The following PLCG1 variants were observed in gnomAD, a reference collection of about 807,000 sequenced individuals.
PLCG1 encodes the protein phospholipase C gamma 1.
Under a neutral mutation model 177.8 loss-of-function variants are expected in PLCG1, and 71 were observed. That is an observed-to-expected ratio of 0.40 (90% CI 0.33 to 0.49). The LOEUF (loss-of-function observed/expected upper bound fraction) is 0.49. Among genes scored for constraint, PLCG1 ranks in the 20% least tolerant of loss-of-function variants. The pLI, the probability that PLCG1 is intolerant of heterozygous loss-of-function variation, is 0.72. For missense variants in PLCG1, 1,281 were observed against 1,709.0 expected (o/e 0.75, Z 4.42); for synonymous variants, 658 against 647.9 (o/e 1.02, Z -0.24).
Position 41,172,904 on chromosome 20 carries a change from G to A in PLCG1, c.3279+27G>A, listed in dbSNP as rs1361721471. On this transcript the variant is annotated intron_variant, in intron 27 of 31. Coordinates refer to ENST00000685551, the MANE Select transcript of PLCG1 (RefSeq NM_002660.3). The surrounding 1 kb of genome is among the most constrained non-coding windows in gnomAD (Gnocchi z 7.0). ...TGGGTGCTGCTCATCTGGGCTTCAG[G>A]GTAGGAAAGGGGCTGCTTGCCGTTG... 6.2e-7 allele frequency: 1 copy of A among 1,606,450 alleles called. No individual in the cohort carries two copies. The highest frequency in any genetic ancestry group is 1.7e-5 in the Admixed American group (1 of 59,440).
In PLCG1 at chr20:41,146,325, A is replaced by G. The variant is rs956733466; in HGVS notation, c.217+8467A>G. Among the ~76,000 whole-genome samples the G allele has an allele frequency of 6.6e-6, 1 of 152,250 alleles. No individual in the cohort carries two copies. Among genetic ancestry groups the G allele is most frequent in the Non-Finnish European group, 1.5e-5 (1 of 68,044 alleles). The stretch of plus-strand genomic sequence containing the variant: ...GGGCTGGCAGGAGACAGCTGTGCCT[A>G]AAGTGCTGTAGGCTGGGCCTGAGGG... On this transcript the variant is annotated intron_variant, in intron 1 of 31. Coordinates refer to ENST00000685551, the MANE Select transcript of PLCG1 (RefSeq NM_002660.3). The surrounding 1 kb of genome is among the most constrained non-coding windows in gnomAD (Gnocchi z 6.3).
chr20:41,172,380 G>A lies in PLCG1; in HGVS notation c.2906-41G>A. 2 of 1,594,596 alleles carry A rather than the reference G, an allele frequency of 1.3e-6. No individual in the cohort carries two copies. The highest frequency in any genetic ancestry group is 1.7e-6 in the Non-Finnish European group (2 of 1,162,226). ...TTTAGGTATCCCCCCAACACTTCCT[G>A]GGTGGGCGGGCTCTGTAAGTGTTTT... On this transcript the variant is annotated intron_variant, in intron 25 of 31. Transcript: ENST00000685551. The surrounding 1 kb of genome is among the most constrained non-coding windows in gnomAD (Gnocchi z 7.0).
chr20:41,160,245 AG>A lies in PLCG1; in HGVS notation c.512+94del. 1 of 1,200,828 alleles carries A rather than the reference AG, an allele frequency of 8.3e-7. No individual in the cohort carries two copies. The highest frequency in any genetic ancestry group is 1.2e-6 in the Non-Finnish European group (1 of 812,738). 74.4% of individuals were successfully genotyped at this position (1,200,828 alleles called of 1,614,324 possible). A position where few individuals can be genotyped will look rare whatever the true frequency, so the allele number is the denominator to read the frequency against. On this transcript the variant is annotated intron_variant, in intron 4 of 31. Transcript: ENST00000685551. This position sits in a 1 kb window ranked among gnomAD's most constrained non-coding sequence, Gnocchi z 5.5. ...TCTAAGTAGCTGCCCGGAGAGCCAG[AG>A]GACCCAGGGGACCTTAAGTGGGGCC... is the stretch of plus-strand genomic sequence containing the variant.
rs746450706 is a variant in PLCG1, at chr20:41,163,422, C to T, written c.834C>T (p.Leu278=). 17 of 1,613,204 alleles carry T rather than the reference C, an allele frequency of 1.1e-5. No individual in the cohort carries two copies. The highest frequency in any genetic ancestry group is 1.4e-5 in the Non-Finnish European group (16 of 1,179,648). Residue 278 remains leucine (L), a synonymous_variant, in exon 9 of 32, where the codon CTC becomes CTT. Transcript: ENST00000685551. This position sits in a 1 kb window ranked among gnomAD's most constrained non-coding sequence, Gnocchi z 5.2. ...VDRLQVQEFM[L]SFLRDPLREI... is the part of the protein sequence containing the mutation. ...GCCTCCAGGTGCAGGAGTTCATGCT[C>T]AGCTTCCTCCGAGACCCCTTACGAG...
intron 4 of PLCG1, 119 bp from the exon 5 acceptor site, chr20:41,162,333 A>T (rs1300149327): frequency 7.7e-6 from 5 of 647,590 alleles, no homozygotes; most frequent in Non-Finnish European, 1.4e-5. Flanking sequence ...TCTTGCCCTC[A>T]GGCCTCCAGG....
intron 4 of PLCG1, among the ~76,000 whole-genome samples, chr20:41,161,753 A>G (rs1483656418): frequency 6.6e-6 from 1 of 150,774 alleles, no homozygotes; most frequent in African/African-American, 2.4e-5. Flanking sequence ...CAGGAGAGAA[A>G]GCCCCCCCCT....
In PLCG1 at chr20:41,176,633, T is replaced by G. The variant is rs1486185159; in HGVS notation, c.*2124T>G. 6.6e-6 allele frequency: 1 copy of G among 152,262 alleles called. No individual in the cohort carries two copies. Among genetic ancestry groups the G allele is most frequent in the African/African-American group, 2.4e-5 (1 of 41,470 alleles). The allele number at this position is 152,262 out of a possible 1,614,324, so 9.4% of individuals were successfully genotyped here. A position where few individuals can be genotyped will look rare whatever the true frequency, so the allele number is the denominator to read the frequency against. On this transcript the variant is annotated 3_prime_UTR_variant, in exon 32 of 32. Coordinates refer to ENST00000685551, the MANE Select transcript of PLCG1 (RefSeq NM_002660.3). Reference sequence around the variant, plus strand: ...AGCTCTGCCTTTCTTAAGGCAGCTTTGTAGACCTGAGGCTCACCTCTCTTG... The same window carrying G: ...AGCTCTGCCTTTCTTAAGGCAGCTTGGTAGACCTGAGGCTCACCTCTCTTG...
In PLCG1 at chr20:41,156,364, C is replaced by T. The variant is rs568415188; in HGVS notation, c.218-3242C>T. 1.3e-5 allele frequency among the ~76,000 whole-genome samples: 2 copies of T among 152,284 alleles called. No individual in the cohort carries two copies. Among genetic ancestry groups the T allele is most frequent in the African/African-American group, 4.8e-5 (2 of 41,560 alleles). On this transcript the variant is annotated intron_variant, in intron 1 of 31. Coordinates refer to ENST00000685551, the MANE Select transcript of PLCG1 (RefSeq NM_002660.3). The surrounding 1 kb of genome is among the most constrained non-coding windows in gnomAD (Gnocchi z 5.0). ...ATTCCTGAAGCCTGGGCAGCCATCACCATGGGCCTGGGGACGTGGTGCTGG... is the reference window on the plus strand; with the variant it reads ...ATTCCTGAAGCCTGGGCAGCCATCATCATGGGCCTGGGGACGTGGTGCTGG...
intron 24 of PLCG1, among the ~76,000 whole-genome samples, chr20:41,171,485 G>T (rs1312553360): frequency 1.3e-5 from 2 of 151,400 alleles, no homozygotes; most frequent in African/African-American, 4.9e-5. Flanking sequence ...TACTCGGGAG[G>T]CTGAGGCAGG....
At chr20:41,142,235 T>C (rs1225972754) in intron 1 of PLCG1, among the ~76,000 whole-genome samples, 5 of 152,196 alleles carry the variant, frequency 3.3e-5, no homozygotes, top group African/African-American at 9.6e-5. Context: ...GAGGCACCTG[T>C]CTGTGCCGAG....
chr20:41,162,914 G>C (rs2035559560), intron 6 of PLCG1, 44 bp from the exon 7 acceptor site: 1 of 1,591,174 alleles, frequency 6.3e-7, no homozygotes, highest in Admixed American at 1.7e-5. Context: ...TTTCCCACAT[G>C]GCCTCCCAGG....
In PLCG1 at chr20:41,173,975, C is replaced by T; in HGVS notation, c.3609C>T (p.Ala1203=). The T allele has an allele frequency of 6.2e-7, 1 of 1,614,136 alleles. No homozygotes were observed. The highest frequency in any genetic ancestry group is 8.5e-7 in the Non-Finnish European group (1 of 1,179,978). The change falls in exon 30 of 32, where the codon GCC becomes GCT. Residue 1203 remains alanine, a synonymous_variant. Coordinates refer to ENST00000685551, the MANE Select transcript of PLCG1 (RefSeq NM_002660.3). This position sits in a 1 kb window ranked among gnomAD's most constrained non-coding sequence, Gnocchi z 6.2. ...ACTACAGTGAGGACCTGGAGTTGGC[C>T]TCCCTGCTGATCAAGATTGACATTT... is the stretch of plus-strand genomic sequence containing the variant. The part of the protein sequence containing the change: ...KNNYSEDLEL[A]SLLIKIDIFP...
chr20:41,169,142 G>C lies in PLCG1; in HGVS notation c.2547G>C (p.Met849Ile). ...TCCCATCAAACTACGTGGAAGAGAT[G>C]GTCAACCCCGTGGCCCTGGAGCCGG... ...LWFPSNYVEE[M>I]VNPVALEPER... Residue 849 changes from methionine to isoleucine, a missense_variant, in exon 22 of 32, where the codon ATG becomes ATC. Physicochemically the swap from Met to Ile is conservative, Grantham distance 10. Around this residue, in one of 4 missense-constraint regions of PLCG1, gnomAD observed 723 missense variants for 1,030.0 expected, o/e 0.70. Coordinates refer to ENST00000685551, the MANE Select transcript of PLCG1 (RefSeq NM_002660.3). 6.2e-7 allele frequency: 1 copy of C among 1,613,836 alleles called. No homozygotes were observed. Among genetic ancestry groups the C allele is most frequent in the Non-Finnish European group, 8.5e-7 (1 of 1,179,714 alleles).
rs1347727909 is a variant in PLCG1, at chr20:41,144,564, A to T, written c.217+6706A>T. Among the ~76,000 whole-genome samples, 2 of 152,026 alleles carry T rather than the reference A, an allele frequency of 1.3e-5. No individual in the cohort carries two copies. On this transcript the variant is annotated intron_variant, in intron 1 of 31. Coordinates refer to ENST00000685551, the MANE Select transcript of PLCG1 (RefSeq NM_002660.3). This position sits in a 1 kb window ranked among gnomAD's most constrained non-coding sequence, Gnocchi z 4.1. Reference sequence around the variant, plus strand: ...TGGGGGTGGGACACAGAAGAGCCTCACCCTCTTGACTTTCTGGTTTGTGGT... The same window carrying T: ...TGGGGGTGGGACACAGAAGAGCCTCTCCCTCTTGACTTTCTGGTTTGTGGT...
rs769853598 is a variant in PLCG1 at position 41,173,910 on chromosome 20, TTCC to T, written c.3557-5_3557-3del. On this transcript the variant is annotated splice_polypyrimidine_tract_variant and intron_variant, in intron 29 of 31. Transcript: ENST00000685551. The surrounding 1 kb of genome is among the most constrained non-coding windows in gnomAD (Gnocchi z 6.2). ...CCCTCGTGGGCTGAGGGCCAGGCTT[TTCC>T]TCCTCCTAGGATACAGAGCAGTGCC... is the stretch of plus-strand genomic sequence containing the variant. The T allele has an allele frequency of 7.4e-6, 12 of 1,613,408 alleles. No homozygotes were observed. In the East Asian group the frequency reaches 2.2e-4, roughly 30 times the overall value.
In PLCG1 at chr20:41,177,216, G is replaced by C. The variant is rs2146072876; in HGVS notation, c.*2707G>C. On this transcript the variant is annotated 3_prime_UTR_variant, in exon 32 of 32. Transcript: ENST00000685551. ...TGACAGACCAGGGACAAGTAGACTG[G>C]GTTCAAAGTGACAGACCTTTCACTT... 6.6e-6 allele frequency: 1 copy of C among 152,284 alleles called. No individual in the cohort carries two copies. Among genetic ancestry groups the C allele is most frequent in the African/African-American group, 2.4e-5 (1 of 41,548 alleles). The allele number at this position is 152,284 out of a possible 1,614,324, so 9.4% of individuals were successfully genotyped here. A position where few individuals can be genotyped will look rare whatever the true frequency, so the allele number is the denominator to read the frequency against.
In PLCG1 at chr20:41,163,229, G is replaced by A. The variant is rs180794782; in HGVS notation, c.743G>A (p.Arg248Gln). 5.2e-5 allele frequency: 81 copies of A among 1,548,590 alleles called. 1 individual carries two copies. The highest frequency in any genetic ancestry group is 1.4e-4 in the African/African-American group (10 of 72,658). Residue 248 changes from arginine (R) to glutamine (Q), a missense_variant, in exon 8 of 32, where the codon CGA becomes CAA. Transcript: ENST00000685551. This position sits in a 1 kb window ranked among gnomAD's most constrained non-coding sequence, Gnocchi z 5.2. ...LRAGERPELC[R>Q]VSLPEFQQFL... is the part of the protein sequence containing the mutation. Reference sequence around the variant, plus strand: ...GCTGGGGAGCGGCCGGAGCTTTGCCGAGTGTCCCTTCCTGAGTTCCAGCAG... The same window carrying A: ...GCTGGGGAGCGGCCGGAGCTTTGCCAAGTGTCCCTTCCTGAGTTCCAGCAG...
chr20:41,170,887 A>G (rs1600674468), intron 24 of PLCG1: 1 of 152,794 alleles, frequency 6.5e-6, no homozygotes, highest in Non-Finnish European at 1.5e-5. Context: ...CTGGAATGGC[A>G]AAAGCAGAGC....
In PLCG1 at chr20:41,166,126, G is replaced by T. The variant is rs997202897; in HGVS notation, c.1800-68G>T. On this transcript the variant is annotated intron_variant, in intron 16 of 31. Transcript: ENST00000685551. The surrounding 1 kb of genome is among the most constrained non-coding windows in gnomAD (Gnocchi z 8.6). ...CCTCCTTGAGTTCCACCCTCATTTG[G>T]GGTGGAACTTGGTCTTTGGGGCCCT... is the stretch of plus-strand genomic sequence containing the variant. The T allele has an allele frequency of 3.6e-6, 5 of 1,388,684 alleles. No individual in the cohort carries two copies. Among genetic ancestry groups the T allele is most frequent in the Non-Finnish European group, 3.0e-6 (3 of 990,422 alleles). 86.0% of individuals were successfully genotyped at this position (1,388,684 alleles called of 1,614,324 possible). A position where few individuals can be genotyped will look rare whatever the true frequency, so the allele number is the denominator to read the frequency against.
Sources: gnomAD v4.1 joint callset for allele counts (sites outside exome capture counted in the v4.1 genomes callset) on GRCh38, gnomAD v4.1.1 for gene constraint, gnomAD v4.1.1 regional missense constraint, Gnocchi (gnomAD v3.1) non-coding constraint, MANE v1.5 for transcripts, NCBI Gene and HGNC (gene_info 2026-07-23, HGNC 2026-07-21) for gene names.